NEGR1: variants seen among roughly 807,000 people sequenced by gnomAD.
NEGR1 encodes neuronal growth regulator 1, also known as IgLON family member 4.
Under a neutral mutation model 40.9 loss-of-function variants are expected in NEGR1, and 10 were observed. That is an observed-to-expected ratio of 0.24 (90% CI 0.15 to 0.42). The LOEUF is 0.42. NEGR1 is among the 10% of genes least tolerant of loss of function. The pLI is 1.00. For missense variants in NEGR1, 352 were observed against 438.9 expected (o/e 0.80, Z 1.77); for synonymous variants, 185 against 166.8 (o/e 1.11, Z -0.84).
chr1:72,153,939 T>C (rs966583421), intron 1 of NEGR1, among the ~76,000 whole-genome samples: 3 of 151,884 alleles, frequency 2.0e-5, no homozygotes, highest in Admixed American at 6.6e-5. Context: ...TTGATTAGTA[T>C]AGTAGAAAGC....
At chr1:72,117,513 AT>A (rs1217318508) in intron 1 of NEGR1, among the ~76,000 whole-genome samples, 1 of 151,780 alleles carries the variant, frequency 6.6e-6, no homozygotes, top group Non-Finnish European at 1.5e-5. Flanking sequence ...AACATCTAGA[AT>A]GAGATATCTA....
intron 3 of NEGR1, among the ~76,000 whole-genome samples, chr1:71,730,239 G>A (rs777573920): frequency 6.6e-6 from 1 of 152,032 alleles, no homozygotes; most frequent in East Asian, 1.9e-4. Flanking sequence ...GTAAAAATAA[G>A]AGCAGCAGAG....
intron 1 of NEGR1, among the ~76,000 whole-genome samples, chr1:72,052,208 GGGTTGATAGTGA>G (rs1308133451): frequency 4.6e-5 from 7 of 151,424 alleles, no homozygotes; most frequent in Non-Finnish European, 8.9e-5. Flanking sequence ...TGCTTCGTCA[GGGTTGATAGTGA>G]CAAAGCCTTG....
chr1:72,070,092 T>A (rs1994335), intron 1 of NEGR1, among the ~76,000 whole-genome samples: 2,732 of 152,138 alleles, frequency 0.018, 85 homozygotes, highest in African/African-American at 0.061. Context: ...AAGACTTTTT[T>A]AAAAAATTAA....
intron 2 of NEGR1, among the ~76,000 whole-genome samples, chr1:71,877,342 A>G (rs1660461227): frequency 6.6e-6 from 1 of 152,154 alleles, no homozygotes; most frequent in African/African-American, 2.4e-5. Flanking sequence ...CTTAAACAAC[A>G]GAAATTTATT....
chr1:72,227,633 T>G (rs939705335), intron 1 of NEGR1, among the ~76,000 whole-genome samples: 1 of 152,218 alleles, frequency 6.6e-6, no homozygotes, highest in Non-Finnish European at 1.5e-5. Context: ...GACTCTTCCT[T>G]TACCATATAT....
At chr1:72,070,514 T>C (rs1647416701) in intron 1 of NEGR1, among the ~76,000 whole-genome samples, 2 of 152,030 alleles carry the variant, frequency 1.3e-5, no homozygotes, top group Admixed American at 1.3e-4. Context: ...GTTTTGGAAA[T>C]GATAAAAAAT....
chr1:71,556,055 A>T (rs2101474511), intron 6 of NEGR1, among the ~76,000 whole-genome samples: 1 of 151,548 alleles, frequency 6.6e-6, no homozygotes, highest in Non-Finnish European at 1.5e-5. Flanking sequence ...GAACTTCTGA[A>T]CTTGGTATAC....
At position 72,152,183 on chromosome 1, in the gene NEGR1, T is replaced by C. The variant is rs112547783; in HGVS notation, c.176+130136A>G. On this transcript the variant is annotated intron_variant, in intron 1 of 6. Transcript: ENST00000357731. ...TCATATTCTTTGACCATAATCTAAT[T>C]AAATTAAAAAGTAAACAAATGAAAG... 3.2e-3 allele frequency among the ~76,000 whole-genome samples: 487 copies of C among 151,902 alleles called. 3 individuals carry two copies. The highest frequency in any genetic ancestry group is 0.011 in the African/African-American group (467 of 41,528).
rs71074816 is a variant in NEGR1 at position 72,088,796 on chromosome 1, C to CT, written c.177-153486dup. On this transcript the variant is annotated intron_variant, in intron 1 of 6. Coordinates refer to ENST00000357731, the MANE Select transcript of NEGR1 (RefSeq NM_173808.3). ...ATGTATAATGTAGTTCTCTCTCTCT[C>CT]TTTTTTTTTTTTTTTTTTTTTTTTT... Among the ~76,000 whole-genome samples the CT allele has an allele frequency of 1.7e-3, 130 of 74,872 alleles. 3 individuals are homozygous for CT. The highest frequency in any genetic ancestry group is 4.1e-3 in the East Asian group (6 of 1,476). The allele number at this position is 74,872 out of a possible 152,430, so 49.1% of individuals were successfully genotyped here.
chr1:71,880,385 A>G (rs1660549981), intron 2 of NEGR1, among the ~76,000 whole-genome samples: 1 of 152,048 alleles, frequency 6.6e-6, no homozygotes, highest in Admixed American at 6.6e-5. Context: ...ATATTTCGAG[A>G]GACAAAATTT....
intron 6 of NEGR1, among the ~76,000 whole-genome samples, chr1:71,523,917 G>A (rs1310781748): frequency 6.6e-6 from 1 of 151,712 alleles, no homozygotes; most frequent in African/African-American, 2.4e-5. Flanking sequence ...AGGACTGACA[G>A]AAAAGCAAAA....
chr1:72,133,412 G>T (rs1650329713), intron 1 of NEGR1, among the ~76,000 whole-genome samples: 1 of 152,010 alleles, frequency 6.6e-6, no homozygotes, highest in South Asian at 2.1e-4. Context: ...TTTTATGAAG[G>T]TAAGGAAAGG....
At chr1:72,146,583 G>A (rs1650918504) in intron 1 of NEGR1, among the ~76,000 whole-genome samples, 1 of 151,560 alleles carries the variant, frequency 6.6e-6, no homozygotes, top group South Asian at 2.1e-4. Flanking sequence ...TTTTAATATT[G>A]TGTAAAATTA....
At chr1:72,017,953 A>G (rs1646726426) in intron 1 of NEGR1, among the ~76,000 whole-genome samples, 1 of 152,166 alleles carries the variant, frequency 6.6e-6, no homozygotes, top group Non-Finnish European at 1.5e-5. Context: ...AGAGAAATTT[A>G]CCACCAGGAT....
At chr1:71,977,185 G>T (rs1033781570) in intron 1 of NEGR1, among the ~76,000 whole-genome samples, 2 of 152,062 alleles carry the variant, frequency 1.3e-5, no homozygotes, top group Admixed American at 6.6e-5. Context: ...AATTAGCTGG[G>T]CATGGTGGCG....
chr1:72,171,219 C>G (rs1168981073), intron 1 of NEGR1, among the ~76,000 whole-genome samples: 2 of 152,070 alleles, frequency 1.3e-5, no homozygotes, highest in Non-Finnish European at 2.9e-5. Flanking sequence ...GAACAAACAG[C>G]CATCCAATAC....
intron 1 of NEGR1, among the ~76,000 whole-genome samples, chr1:72,218,090 T>A (rs1471544712): frequency 6.6e-6 from 1 of 151,862 alleles, no homozygotes; most frequent in Admixed American, 6.6e-5. Flanking sequence ...GCTGCCAATG[T>A]TTCCTTTAAA....
chr1:72,273,170 C>G (rs1457240087), intron 1 of NEGR1, among the ~76,000 whole-genome samples: 1 of 151,976 alleles, frequency 6.6e-6, no homozygotes, highest in Non-Finnish European at 1.5e-5. Flanking sequence ...GTACTGCTGA[C>G]CTACCTCTAG....
Sources: allele counts gnomAD v4.1 joint callset (sites outside exome capture counted in the v4.1 genomes callset), GRCh38; gene constraint gnomAD v4.1.1; transcripts MANE v1.5; gene names NCBI Gene and HGNC (gene_info 2026-07-23, HGNC 2026-07-21).